CAMSAP1: variants seen among roughly 807,000 people sequenced by gnomAD.
CAMSAP1 encodes the protein calmodulin-regulated spectrin-associated protein 1.
A neutral mutation model predicts 143.5 loss-of-function variants in CAMSAP1; 58 were observed. That is an observed-to-expected ratio of 0.40 (90% CI 0.33 to 0.50). The LOEUF is 0.50. Among genes scored for constraint, CAMSAP1 ranks in the 20% least tolerant of loss-of-function variants. CAMSAP1 has a pLI of 0.45. For missense variants in CAMSAP1, 1,969 were observed against 2,115.7 expected (o/e 0.93, Z 1.36); for synonymous variants, 945 against 859.3 (o/e 1.10, Z -1.74).
rs1190240154 is a variant in CAMSAP1 at position 135,823,132 on chromosome 9, T to A, written c.1529A>T (p.Asn510Ile). The A allele has an allele frequency of 6.2e-7, 1 of 1,613,612 alleles. No homozygotes were observed. Among genetic ancestry groups the A allele is most frequent in the Non-Finnish European group, 8.5e-7 (1 of 1,179,732 alleles). The change falls in exon 11 of 17, where the codon AAT becomes ATT. Residue 510 changes from asparagine (N) to isoleucine (I), a missense_variant. This residue lies in a region of CAMSAP1 where 1,390 missense variants were observed against 1,420.8 expected (regional missense o/e 0.98). Transcript: ENST00000389532. The stretch of plus-strand genomic sequence containing the variant: ...GTGTGGCTGGTTCTGTGGGGTCAGA[T>A]TAACAATGTTGGATGCCAAACTGTC... Reference protein sequence around the residue: ...SKDSLASNIVNLTPQNQPHPT... With the variant: ...SKDSLASNIVILTPQNQPHPT...
intron 5 of CAMSAP1, among the ~76,000 whole-genome samples, chr9:135,859,041 C>T (rs998770951): frequency 2.0e-5 from 3 of 152,240 alleles, no homozygotes; most frequent in African/African-American, 7.2e-5. Flanking sequence ...GTCACCTAGG[C>T]TTCTCTCAAT....
Position 135,882,673 on chromosome 9 carries a change from T to C in CAMSAP1, c.423+143A>G, listed in dbSNP as rs1355864529. 3.3e-6 allele frequency: 3 copies of C among 896,306 alleles called. No homozygotes were observed. The highest frequency in any genetic ancestry group is 3.4e-5 in the African/African-American group (2 of 59,236). 55.5% of individuals were successfully genotyped at this position (896,306 alleles called of 1,614,324 possible). ...GTGCTTTAAAAGATATGCAGTTTCCTAAGGAACGCCAGTGTGCAAAAGCAC... is the reference window on the plus strand; with the variant it reads ...GTGCTTTAAAAGATATGCAGTTTCCCAAGGAACGCCAGTGTGCAAAAGCAC... On this transcript the variant is annotated intron_variant, in intron 2 of 16. Transcript: ENST00000389532. This position sits in a 1 kb window ranked among gnomAD's most constrained non-coding sequence, Gnocchi z 4.9.
Position 135,818,423 on chromosome 9 carries a change from TG to T in CAMSAP1, c.4152del (p.Lys1385SerfsTer9). 6.3e-7 allele frequency: 1 copy of T among 1,586,896 alleles called. No individual in the cohort carries two copies. The highest frequency in any genetic ancestry group is 8.5e-7 in the Non-Finnish European group (1 of 1,172,306). On this transcript the variant is annotated frameshift_variant, in exon 13 of 17. Transcript: ENST00000389532. LOFTEE classifies it high-confidence loss of function. This position sits in a 1 kb window ranked among gnomAD's most constrained non-coding sequence, Gnocchi z 7.7. Reference protein sequence around the residue: ...HREESCSDSGTKCSSTPDNLS... With the variant: ...HREESCSDSGXKCSSTPDNLS... Reference sequence around the variant, plus strand: ...GGCTGCTTACGGGTGGAGGAGCACTTGGTGCCGGAGTCGCTGCACGACTCTT... The same window carrying T: ...GGCTGCTTACGGGTGGAGGAGCACTTGTGCCGGAGTCGCTGCACGACTCTT...
At chr9:135,859,628 G>A (rs1478604036) in intron 5 of CAMSAP1, among the ~76,000 whole-genome samples, 4 of 151,910 alleles carry the variant, frequency 2.6e-5, no homozygotes. Flanking sequence ...TCCCAACCTC[G>A]TGATCTACCC....
At chr9:135,841,336 A>C (rs1588464234) in intron 7 of CAMSAP1, among the ~76,000 whole-genome samples, 1 of 152,200 alleles carries the variant, frequency 6.6e-6, no homozygotes, top group Non-Finnish European at 1.5e-5. Flanking sequence ...CTGAAAGAAA[A>C]GTATTAGCCC....
rs202032370 is a variant in CAMSAP1 at position 135,846,327 on chromosome 9, C to T, written c.1045+3810G>A. ...GTTGGGAAAACTGTCTAGCCATATGCGGAAAACTGAATTTGGATCCCTTCC... is the reference window on the plus strand; with the variant it reads ...GTTGGGAAAACTGTCTAGCCATATGTGGAAAACTGAATTTGGATCCCTTCC... On this transcript the variant is annotated intron_variant, in intron 7 of 16. Coordinates refer to ENST00000389532, the MANE Select transcript of CAMSAP1 (RefSeq NM_015447.4). Among the ~76,000 whole-genome samples, 12 of 152,102 alleles carry T rather than the reference C, an allele frequency of 7.9e-5. No individual in the cohort carries two copies. In the East Asian group the frequency reaches 9.6e-4, roughly 12 times the overall value.
chr9:135,845,283 T>C (rs1034184136), intron 7 of CAMSAP1, among the ~76,000 whole-genome samples: 3 of 152,188 alleles, frequency 2.0e-5, no homozygotes, highest in South Asian at 2.1e-4. Context: ...ATTATCTCAA[T>C]AGATTCAGAA....
In CAMSAP1 at chr9:135,810,047, T is replaced by G. The variant is rs1416549252; in HGVS notation, c.*1262A>C. 1 of 152,646 alleles carries G rather than the reference T, an allele frequency of 6.6e-6. No individual in the cohort carries two copies. Among genetic ancestry groups the G allele is most frequent in the Middle Eastern group, 3.2e-3 (1 of 316 alleles). 9.5% of individuals were successfully genotyped at this position (152,646 alleles called of 1,614,324 possible). Reference sequence around the variant, plus strand: ...CAAGAAAATATGTGCAAAACTAATGTTAGTGGCTCCAGAATCTTCCGGCAG... The same window carrying G: ...CAAGAAAATATGTGCAAAACTAATGGTAGTGGCTCCAGAATCTTCCGGCAG... On this transcript the variant is annotated 3_prime_UTR_variant, in exon 17 of 17. Coordinates refer to ENST00000389532, the MANE Select transcript of CAMSAP1 (RefSeq NM_015447.4).
intron 3 of CAMSAP1, among the ~76,000 whole-genome samples, chr9:135,872,566 T>C (rs990418417): frequency 5.9e-5 from 9 of 152,124 alleles, no homozygotes; most frequent in East Asian, 3.8e-4. Context: ...CTCTAAGAGA[T>C]TGTCAGATGA....
At chr9:135,888,757 G>A (rs771992272) in intron 1 of CAMSAP1, among the ~76,000 whole-genome samples, 42 of 152,212 alleles carry the variant, frequency 2.8e-4, no homozygotes, top group Non-Finnish European at 5.6e-4. Context: ...AGGTAAAAGC[G>A]ACCAGTAGTC....
chr9:135,818,890 T>G lies in CAMSAP1; in HGVS notation c.3959+120A>C. ...TCGGGGAGGTGGTCCATGGGAGGAG[T>G]AAGACCGTCACAGGCACTCATTGCC... On this transcript the variant is annotated intron_variant, in intron 12 of 16. Transcript: ENST00000389532. This position sits in a 1 kb window ranked among gnomAD's most constrained non-coding sequence, Gnocchi z 7.7. The G allele has an allele frequency of 6.9e-7, 1 of 1,442,376 alleles. No homozygotes were observed. Among genetic ancestry groups the G allele is most frequent in the Non-Finnish European group, 9.3e-7 (1 of 1,073,246 alleles). The allele number at this position is 1,442,376 out of a possible 1,614,324, so 89.3% of individuals were successfully genotyped here.
At chr9:135,878,497 C>A (rs922927022) in intron 3 of CAMSAP1, among the ~76,000 whole-genome samples, 3 of 152,168 alleles carry the variant, frequency 2.0e-5, no homozygotes, top group African/African-American at 7.2e-5. Context: ...GAATTCAGAC[C>A]TTATGCATCA....
intron 3 of CAMSAP1, among the ~76,000 whole-genome samples, chr9:135,873,731 G>GA (rs1837640696): frequency 1.3e-5 from 2 of 152,034 alleles, no homozygotes; most frequent in African/African-American, 4.8e-5. Flanking sequence ...ATGCTAAATA[G>GA]AAAATCTATT....
In CAMSAP1 at chr9:135,818,867, G is replaced by A. The variant is rs182120974; in HGVS notation, c.3959+143C>T. ...AGATCAGCAGGGGCCGTGAAAGTTC[G>A]GGGAGGTGGTCCATGGGAGGAGTAA... On this transcript the variant is annotated intron_variant, in intron 12 of 16. Transcript: ENST00000389532. The surrounding 1 kb of genome is among the most constrained non-coding windows in gnomAD (Gnocchi z 7.7). 184 of 1,341,072 alleles carry A rather than the reference G, an allele frequency of 1.4e-4. No individual in the cohort carries two copies. In the African/African-American group the frequency reaches 2.2e-3, roughly 16 times the overall value. The allele number at this position is 1,341,072 out of a possible 1,614,324, so 83.1% of individuals were successfully genotyped here.
intron 1 of CAMSAP1, 109 bp downstream of exon 1, chr9:135,906,891 G>A (rs1343601066): frequency 7.7e-5 from 49 of 636,898 alleles, no homozygotes; most frequent in Non-Finnish European, 6.8e-5. Context: ...CTGTGCGGAC[G>A]CGGCACAAAG....
chr9:135,907,035 T>G lies in CAMSAP1; in HGVS notation c.125A>C (p.Asn42Thr), dbSNP rs1174585316. Residue 42 changes from asparagine (N) to threonine (T), a missense_variant, in exon 1 of 17, where the codon AAC becomes ACC. Transcript: ENST00000389532. ...YDAARAKIAA[N>T]LQWICAKAYG... ...GGCCTTGGCGCAGATCCACTGCAGG[T>G]TGGCGGCGATCTTGGCGCGCGCCGC... is the stretch of plus-strand genomic sequence containing the variant. The G allele has an allele frequency of 3.4e-6, 4 of 1,185,086 alleles. No homozygotes were observed. Among genetic ancestry groups the G allele is most frequent in the South Asian group, 2.2e-5 (1 of 45,542 alleles). 73.4% of individuals were successfully genotyped at this position (1,185,086 alleles called of 1,614,324 possible).
Position 135,822,374 on chromosome 9 carries a change from T to C in CAMSAP1, c.2287A>G (p.Arg763Gly), listed in dbSNP as rs764005112. Residue 763 changes from arginine to glycine, a missense_variant, in exon 11 of 17, where the codon AGA (arginine) becomes GGA (glycine). Transcript: ENST00000389532. This position sits in a 1 kb window ranked among gnomAD's most constrained non-coding sequence, Gnocchi z 6.1. The part of the protein sequence containing the change: ...MGEAHPVVFS[R>G]YIGEEESAKL... ...GCCGACTCTTCCTCCCCAATGTATC[T>C]GCTGAAAACCACAGGATGGGCCTCA... 2.3e-5 allele frequency: 37 copies of C among 1,613,858 alleles called. No individual in the cohort carries two copies. The highest frequency in any genetic ancestry group is 2.7e-5 in the African/African-American group (2 of 74,920).
At chr9:135,861,525 T>C (rs1382946560) in intron 5 of CAMSAP1, among the ~76,000 whole-genome samples, 2 of 152,140 alleles carry the variant, frequency 1.3e-5, no homozygotes, top group East Asian at 3.9e-4. Flanking sequence ...GGCTGGTCTC[T>C]AACTCCTAAC....
At chr9:135,814,832 T>A (rs1180271482) in intron 16 of CAMSAP1, among the ~76,000 whole-genome samples, 1 of 152,196 alleles carries the variant, frequency 6.6e-6, no homozygotes, top group African/African-American at 2.4e-5. Context: ...ATGTCTTTCC[T>A]CAGCCCAGAG....
Sources: allele counts gnomAD v4.1 joint callset (sites outside exome capture counted in the v4.1 genomes callset), GRCh38; gene constraint gnomAD v4.1.1; regional missense constraint gnomAD v4.1.1; non-coding constraint Gnocchi (gnomAD v3.1); transcripts MANE v1.5; gene names NCBI Gene and HGNC (gene_info 2026-07-23, HGNC 2026-07-21).